Variants in CTIF observed in about 807,000 individuals in gnomAD.
CTIF encodes cap binding complex dependent translation initiation factor.
A neutral mutation model predicts 66.0 loss-of-function variants in CTIF; 21 were observed. The observed-to-expected ratio is 0.32, with a 90% confidence interval of 0.23 to 0.46. CTIF has a LOEUF of 0.46. Among genes scored for constraint, CTIF ranks in the 20% least tolerant of loss-of-function variants. CTIF has a pLI of 1.00. For synonymous variants in CTIF, 345 were observed against 326.4 expected, an observed-to-expected ratio of 1.06 and a Z score of -0.62; for missense variants, 739 against 812.7, an observed-to-expected ratio of 0.91 and a Z score of 1.10.
intron 9 of CTIF, among the ~76,000 whole-genome samples, chr18:48,766,600 A>AC (rs1464375067): frequency 1.6e-4 from 24 of 152,350 alleles, no homozygotes; most frequent in African/African-American, 5.8e-4. Flanking sequence ...GTGGAACACC[A>AC]CTGTTGAGGA....
intron 2 of CTIF, chr18:48,621,694 T>G: frequency 3.6e-6 from 1 of 279,206 alleles, no homozygotes; most frequent in South Asian, 2.9e-5. Context: ...CGGGGAAGTT[T>G]CCACTGAGCG....
chr18:48,674,282 TCA>T (rs1299038476), intron 6 of CTIF, among the ~76,000 whole-genome samples: 3 of 152,214 alleles, frequency 2.0e-5, no homozygotes, highest in African/African-American at 4.8e-5. Flanking sequence ...CTTGCCCAGG[TCA>T]CAGTCCCTGA....
chr18:48,578,396 G>A (rs371072594), intron 1 of CTIF, among the ~76,000 whole-genome samples: 12 of 152,086 alleles, frequency 7.9e-5, no homozygotes, highest in Non-Finnish European at 1.6e-4. Context: ...TTTGAAGAAC[G>A]CCAGGTTGTA....
intron 3 of CTIF, among the ~76,000 whole-genome samples, chr18:48,659,486 G>A (rs1008620819): frequency 5.3e-5 from 8 of 152,186 alleles, no homozygotes; most frequent in East Asian, 1.9e-4. Context: ...TATGATATTC[G>A]TTCCTGGAGC....
At chr18:48,765,429 A>G (rs757717848) in intron 9 of CTIF, among the ~76,000 whole-genome samples, 5 of 152,116 alleles carry the variant, frequency 3.3e-5, no homozygotes, top group Non-Finnish European at 7.4e-5. Flanking sequence ...CAGGCTACAA[A>G]GGGGCCAGGG....
chr18:48,548,046 G>C (rs576088752), intron 1 of CTIF, among the ~76,000 whole-genome samples: 18 of 152,296 alleles, frequency 1.2e-4, no homozygotes, highest in African/African-American at 4.3e-4. Flanking sequence ...CACAATGCTG[G>C]GCGCTCTCTG....
intron 1 of CTIF, among the ~76,000 whole-genome samples, chr18:48,563,663 G>T (rs939981648): frequency 5.3e-5 from 8 of 152,346 alleles, no homozygotes; most frequent in African/African-American, 1.7e-4. Context: ...GTAGAGACAG[G>T]GTTTGGCCAT....
chr18:48,857,488 C>A, intron 10 of CTIF, 100 bp from the exon 11 acceptor site: 1 of 1,022,160 alleles, frequency 9.8e-7, no homozygotes. Flanking sequence ...CAGGCCGCAT[C>A]AGGGCTGGGG....
intron 6 of CTIF, among the ~76,000 whole-genome samples, chr18:48,702,078 G>A (rs2092091959): frequency 1.3e-5 from 2 of 152,224 alleles, no homozygotes; most frequent in African/African-American, 2.4e-5. Flanking sequence ...AGAGAGGAGA[G>A]GGCAGAATGG....
intron 10 of CTIF, among the ~76,000 whole-genome samples, chr18:48,849,388 G>A (rs1280626163): frequency 6.6e-6 from 1 of 151,244 alleles, no homozygotes; most frequent in African/African-American, 2.4e-5. Context: ...AGTAGAGATG[G>A]GGTTTTGCCA....
At chr18:48,757,876 C>T (rs374548674) in intron 7 of CTIF, 43 bp from the exon 8 acceptor site, 73 of 1,578,248 alleles carry the variant, frequency 4.6e-5, no homozygotes, top group Admixed American at 2.3e-4. Context: ...CTGACCAGCC[C>T]GCCCAGTGAT....
intron 3 of CTIF, among the ~76,000 whole-genome samples, chr18:48,653,038 A>C (rs2091185083): frequency 6.6e-6 from 1 of 152,186 alleles, no homozygotes; most frequent in Admixed American, 6.5e-5. Context: ...AATGGGCAAA[A>C]ACTGGAAGCA....
At chr18:48,564,701 C>G (rs2089240430) in intron 1 of CTIF, 1 of 152,222 alleles carries the variant, frequency 6.6e-6, no homozygotes, top group East Asian at 1.9e-4. Flanking sequence ...TTACTGCAGC[C>G]TCGACTTCCT....
At chr18:48,712,867 C>G (rs1268478238) in intron 7 of CTIF, among the ~76,000 whole-genome samples, 1 of 152,236 alleles carries the variant, frequency 6.6e-6, no homozygotes, top group African/African-American at 2.4e-5. Context: ...GCTTTGTCAT[C>G]CACTGGTGGA....
At chr18:48,591,398 C>G (rs2089884359) in intron 1 of CTIF, among the ~76,000 whole-genome samples, 1 of 152,236 alleles carries the variant, frequency 6.6e-6, no homozygotes, top group African/African-American at 2.4e-5. Flanking sequence ...AAGACAGACT[C>G]AGCATCAAGA....
chr18:48,563,537 T>C (rs1434256528), intron 1 of CTIF, among the ~76,000 whole-genome samples: 3 of 152,134 alleles, frequency 2.0e-5, no homozygotes, highest in Non-Finnish European at 2.9e-5. Context: ...AGTGGCGCGA[T>C]CTTGACTCAC....
chr18:48,693,831 G>A (rs1205563695), intron 6 of CTIF, among the ~76,000 whole-genome samples: 2 of 152,224 alleles, frequency 1.3e-5, no homozygotes, highest in Non-Finnish European at 1.5e-5. Context: ...CAGCTGCAGA[G>A]CTGAGTCATT....
At chr18:48,727,689 CTGT>C (rs1167691627) in intron 7 of CTIF, among the ~76,000 whole-genome samples, 1 of 152,204 alleles carries the variant, frequency 6.6e-6, no homozygotes, top group Non-Finnish European at 1.5e-5. Context: ...CTTAGAAGCT[CTGT>C]TGTTTGACTG....
At chr18:48,733,049 G>A (rs1031892192) in intron 7 of CTIF, among the ~76,000 whole-genome samples, 5 of 152,160 alleles carry the variant, frequency 3.3e-5, no homozygotes, top group East Asian at 3.9e-4. Context: ...GAGAGGCATC[G>A]GGGGCCTGGT....
Sources: gnomAD v4.1 joint callset for allele counts (sites outside exome capture counted in the v4.1 genomes callset) on GRCh38, gnomAD v4.1.1 for gene constraint, MANE v1.5 for transcripts, NCBI Gene and HGNC (gene_info 2026-07-23, HGNC 2026-07-21) for gene names.